Variants in MDGA2 observed in about 807,000 individuals in gnomAD.
The protein encoded by MDGA2 is MAM domain containing glycosylphosphatidylinositol anchor 2.
Under a neutral mutation model 117.8 loss-of-function variants are expected in MDGA2, and 40 were observed. That is an observed-to-expected ratio of 0.34 (90% confidence interval 0.26 to 0.44). The LOEUF (loss-of-function observed/expected upper bound fraction) is 0.44. Among genes scored for constraint, MDGA2 ranks in the 20% least tolerant of loss-of-function variants. The pLI is 1.00. For missense variants in MDGA2, 1,123 were observed against 1,250.6 expected (o/e 0.90, Z 1.54); for synonymous variants, 452 against 439.0 (o/e 1.03, Z -0.37).
chr14:46,991,243 TAGAA>T (rs1887083642), intron 8 of MDGA2, among the ~76,000 whole-genome samples: 1 of 152,142 alleles, frequency 6.6e-6, no homozygotes, highest in African/African-American at 2.4e-5. Flanking sequence ...TCCTCTGCCT[TAGAA>T]AGGTCATTTC....
chr14:46,893,928 C>T (rs935947782), intron 10 of MDGA2, among the ~76,000 whole-genome samples: 12 of 151,830 alleles, frequency 7.9e-5, no homozygotes, highest in Non-Finnish European at 2.9e-5. Flanking sequence ...ATGTATATGT[C>T]CCTTAATTCC....
rs1594616229 is a variant in MDGA2, at chr14:47,096,961, G to T, written c.1088C>A (p.Thr363Asn). Residue 363 changes from threonine (T) to asparagine (N), a missense_variant, in exon 6 of 17, where the codon ACT (threonine) becomes AAT (asparagine). Physicochemically the swap from Thr to Asn is moderately conservative, Grantham distance 65 (BLOSUM62 0). Transcript: ENST00000399232. ...LPEKTVLNGG[T>N]LTIPAITSDD... ...TGAGGTGATGGCAGGTATGGTCAAA[G>T]TTCCTCCATTCAAAACAGTCTTTTC... 4 of 1,613,338 alleles carry T rather than the reference G, an allele frequency of 2.5e-6. No homozygotes were observed. The highest frequency in any genetic ancestry group is 3.4e-6 in the Non-Finnish European group (4 of 1,179,506).
chr14:47,118,120 A>G (rs2139087939), intron 5 of MDGA2, among the ~76,000 whole-genome samples: 1 of 152,294 alleles, frequency 6.6e-6, no homozygotes, highest in Admixed American at 6.5e-5. Context: ...CTTACCATAA[A>G]TACTTAATGC....
intron 1 of MDGA2, among the ~76,000 whole-genome samples, chr14:47,434,078 CA>C (rs560700449): frequency 2.6e-5 from 4 of 151,828 alleles, no homozygotes; most frequent in Non-Finnish European, 4.4e-5. Flanking sequence ...ACTCTGATAG[CA>C]AAAAAATAAG....
chr14:47,411,721 G>C (rs1455770967), intron 1 of MDGA2, among the ~76,000 whole-genome samples: 1 of 152,158 alleles, frequency 6.6e-6, no homozygotes, highest in Admixed American at 6.6e-5. Context: ...AAAGCAGGCA[G>C]CTCACAGCCA....
intron 10 of MDGA2, among the ~76,000 whole-genome samples, chr14:46,896,306 C>A (rs1274383651): frequency 6.6e-6 from 1 of 151,798 alleles, no homozygotes; most frequent in Non-Finnish European, 1.5e-5. Flanking sequence ...CATAGAAGAA[C>A]AAAAGTAAGA....
intron 10 of MDGA2, among the ~76,000 whole-genome samples, chr14:46,883,323 T>A (rs1333932677): frequency 6.6e-6 from 1 of 151,992 alleles, no homozygotes; most frequent in Non-Finnish European, 1.5e-5. Flanking sequence ...GTTAACATAG[T>A]TAACTGGCAA....
rs187094366 is a variant in MDGA2 at position 47,440,372 on chromosome 14, C to T, written c.281-138822G>A. On this transcript the variant is annotated intron_variant, in intron 1 of 16. Transcript: ENST00000399232. ...CCATGGGACTTTGTTTATCTCACAT[C>T]CTTACTTGCTGTCCTTCCCTGTGCC... Among the ~76,000 whole-genome samples the T allele has an allele frequency of 4.6e-5, 7 of 152,246 alleles. No homozygotes were observed. In the East Asian group the frequency reaches 1.4e-3, roughly 30 times the overall value.
At chr14:47,605,507 C>T (rs550422707) in intron 1 of MDGA2, among the ~76,000 whole-genome samples, 1 of 152,208 alleles carries the variant, frequency 6.6e-6, no homozygotes, top group African/African-American at 2.4e-5. Flanking sequence ...TTTCTATAAA[C>T]ATTACAGATA....
In MDGA2 at chr14:47,506,915, C is replaced by T. The variant is rs560744386; in HGVS notation, c.280+167602G>A. Among the ~76,000 whole-genome samples, 401 of 151,530 alleles carry T rather than the reference C, an allele frequency of 2.6e-3. 3 individuals carry two copies. The highest frequency in any genetic ancestry group is 9.5e-3 in the African/African-American group (393 of 41,242). ...GAGTTTATTTTATGGCTCTGGATGC[C>T]AGCGTGAGTTTAGACTTTTTTTTTT... On this transcript the variant is annotated intron_variant, in intron 1 of 16. Transcript: ENST00000399232.
At chr14:47,307,373 T>C (rs193249654) in intron 1 of MDGA2, among the ~76,000 whole-genome samples, 208 of 152,294 alleles carry the variant, frequency 1.4e-3, no homozygotes, top group African/African-American at 4.7e-3. Flanking sequence ...TTACATTACA[T>C]GTTTTATTAT....
chr14:47,360,394 A>AAATAAATAAATAAAT (rs1891094252), intron 1 of MDGA2, among the ~76,000 whole-genome samples: 2 of 127,042 alleles, frequency 1.6e-5, no homozygotes, highest in African/African-American at 5.4e-5. Flanking sequence ...AATAAATAAA[A>AAATAAATAAATAAAT]TAAAATAAAA....
intron 2 of MDGA2, among the ~76,000 whole-genome samples, chr14:47,259,140 G>C (rs1887714917): frequency 6.6e-6 from 1 of 151,930 alleles, no homozygotes; most frequent in Non-Finnish European, 1.5e-5. Context: ...GTTTTCCAAG[G>C]AGTAATGTAC....
intron 5 of MDGA2, among the ~76,000 whole-genome samples, chr14:47,102,543 T>A (rs183557580): frequency 6.6e-6 from 1 of 151,842 alleles, no homozygotes; most frequent in South Asian, 2.1e-4. Flanking sequence ...AGGAAACATA[T>A]TGAAGAAGCA....
chr14:47,638,609 C>G (rs1897365657), intron 1 of MDGA2, among the ~76,000 whole-genome samples: 1 of 152,134 alleles, frequency 6.6e-6, no homozygotes, highest in Non-Finnish European at 1.5e-5. Context: ...CCATACCCCT[C>G]ACCCAGTACT....
chr14:47,498,127 A>G (rs1277208273), intron 1 of MDGA2, among the ~76,000 whole-genome samples: 1 of 152,192 alleles, frequency 6.6e-6, no homozygotes, highest in African/African-American at 2.4e-5. Flanking sequence ...TCCACATGGG[A>G]GGCAGAAAGC....
chr14:47,193,920 A>G (rs996299296), intron 3 of MDGA2, among the ~76,000 whole-genome samples: 1 of 152,190 alleles, frequency 6.6e-6, no homozygotes, highest in South Asian at 2.1e-4. Context: ...GTCGTATGGT[A>G]TAGTTATTAA....
chr14:47,391,821 G>A (rs938789123), intron 1 of MDGA2, among the ~76,000 whole-genome samples: 3 of 152,126 alleles, frequency 2.0e-5, no homozygotes, highest in Non-Finnish European at 4.4e-5. Context: ...GTGAGCTTTG[G>A]TGTCTATAAA....
intron 1 of MDGA2, among the ~76,000 whole-genome samples, chr14:47,392,682 CTT>C (rs1301884961): frequency 1.3e-5 from 2 of 152,180 alleles, no homozygotes; most frequent in African/African-American, 4.8e-5. Context: ...TGAGGAGCTG[CTT>C]TACATGGCAA....
Sources: allele counts gnomAD v4.1 joint callset (sites outside exome capture counted in the v4.1 genomes callset), GRCh38; gene constraint gnomAD v4.1.1; transcripts MANE v1.5; gene names NCBI Gene and HGNC (gene_info 2026-07-23, HGNC 2026-07-21).